KIAA0825: variants seen among roughly 807,000 people sequenced by gnomAD.
The protein encoded by KIAA0825 is KIAA0825.
A neutral mutation model predicts 147.6 loss-of-function variants in KIAA0825; 119 were observed. The ratio of observed to expected loss-of-function variants is 0.81; its 90% CI spans 0.69 to 0.94. The LOEUF (loss-of-function observed/expected upper bound fraction) is 0.94. KIAA0825 is among the 40% of genes least tolerant of loss of function. KIAA0825 has a pLI of 0.00. For synonymous variants in KIAA0825, 470 were observed against 518.1 expected (o/e 0.91, Z 1.26); for missense variants, 1,381 against 1,472.7 (o/e 0.94, Z 1.02).
chr5:94,404,260 T>C (rs1186257217), intron 15 of KIAA0825, among the ~76,000 whole-genome samples: 1 of 152,190 alleles, frequency 6.6e-6, no homozygotes, highest in Non-Finnish European at 1.5e-5. Flanking sequence ...TATTTCTGTC[T>C]ATACAATAAA....
intron 1 of KIAA0825, among the ~76,000 whole-genome samples, chr5:94,606,123 C>A (rs751451427): frequency 1.8e-4 from 28 of 152,228 alleles, no homozygotes; most frequent in Non-Finnish European, 3.1e-4. Flanking sequence ...AACAACCAAA[C>A]TGAGAGCCAA....
At chr5:94,593,135 T>A (rs1220476434) in intron 1 of KIAA0825, 5 of 746,588 alleles carry the variant, frequency 6.7e-6, no homozygotes, top group Non-Finnish European at 1.0e-5. Context: ...GTGTTATACA[T>A]CACACAACAG....
intron 10 of KIAA0825, among the ~76,000 whole-genome samples, chr5:94,465,555 G>A (rs1433992628): frequency 6.6e-6 from 1 of 152,100 alleles, no homozygotes; most frequent in African/African-American, 2.4e-5. Context: ...GCATTCTTAG[G>A]AACATTCTTG....
At chr5:94,367,946 T>C (rs1056724215) in intron 20 of KIAA0825, among the ~76,000 whole-genome samples, 1 of 152,172 alleles carries the variant, frequency 6.6e-6, no homozygotes, top group Non-Finnish European at 1.5e-5. Context: ...ATTAGGTAAA[T>C]TGTGCTACAT....
At chr5:94,479,485 T>C (rs1762256842) in intron 6 of KIAA0825, among the ~76,000 whole-genome samples, 1 of 152,182 alleles carries the variant, frequency 6.6e-6, no homozygotes, top group Non-Finnish European at 1.5e-5. Flanking sequence ...AAAATTTGTT[T>C]ATACATTCAC....
intron 13 of KIAA0825, among the ~76,000 whole-genome samples, chr5:94,452,319 T>C (rs1156569438): frequency 1.3e-5 from 2 of 152,184 alleles, no homozygotes; most frequent in East Asian, 1.9e-4. Flanking sequence ...AAATAGCTGA[T>C]AGTGTATTTC....
chr5:94,284,800 T>TG (rs941861609), intron 20 of KIAA0825, among the ~76,000 whole-genome samples: 4 of 152,168 alleles, frequency 2.6e-5, no homozygotes, highest in Non-Finnish European at 5.9e-5. Flanking sequence ...ATCCTTTGAT[T>TG]GCCCATTCAT....
intron 2 of KIAA0825, among the ~76,000 whole-genome samples, chr5:94,573,983 T>C (rs1191854550): frequency 6.6e-6 from 1 of 152,086 alleles, no homozygotes; most frequent in Non-Finnish European, 1.5e-5. Context: ...TCCTCATAAA[T>C]ATTACAAGGC....
chr5:94,430,580 T>C (rs1755535445), intron 14 of KIAA0825, among the ~76,000 whole-genome samples: 1 of 152,222 alleles, frequency 6.6e-6, no homozygotes, highest in Non-Finnish European at 1.5e-5. Flanking sequence ...TCCCGGGTCA[T>C]AAATGAAATA....
At chr5:94,475,453 G>C (rs1453553606) in intron 7 of KIAA0825, among the ~76,000 whole-genome samples, 2 of 152,034 alleles carry the variant, frequency 1.3e-5, no homozygotes, top group African/African-American at 4.8e-5. Flanking sequence ...ATAATATGTT[G>C]GCCTATCTGA....
intron 6 of KIAA0825, among the ~76,000 whole-genome samples, chr5:94,480,837 A>T (rs1412843257): frequency 1.3e-5 from 2 of 151,968 alleles, no homozygotes; most frequent in East Asian, 3.9e-4. Flanking sequence ...CTCTCCCCCA[A>T]ATTAAAATGG....
At chr5:94,488,894 G>A (rs1462629005) in intron 5 of KIAA0825, among the ~76,000 whole-genome samples, 6 of 152,144 alleles carry the variant, frequency 3.9e-5, no homozygotes, top group African/African-American at 1.4e-4. Flanking sequence ...TAAACTTAGT[G>A]TTTCTCAAAC....
chr5:94,593,715 G>T, intron 1 of KIAA0825: 1 of 374,200 alleles, frequency 2.7e-6, no homozygotes, highest in South Asian at 2.7e-5. Flanking sequence ...ACAAACATTT[G>T]GATAACTATA....
chr5:94,395,758 A>G (rs1750566532), intron 17 of KIAA0825, among the ~76,000 whole-genome samples: 1 of 152,230 alleles, frequency 6.6e-6, no homozygotes, highest in Admixed American at 6.5e-5. Context: ...CCATTTACAA[A>G]ATGCTCCAGG....
At chr5:94,348,725 A>G (rs986577364) in intron 20 of KIAA0825, among the ~76,000 whole-genome samples, 1 of 152,168 alleles carries the variant, frequency 6.6e-6, no homozygotes, top group African/African-American at 2.4e-5. Flanking sequence ...TTTTTCAGAG[A>G]ACAAATGCTG....
At chr5:94,612,230 G>T (rs1789033684) in intron 1 of KIAA0825, among the ~76,000 whole-genome samples, 1 of 152,160 alleles carries the variant, frequency 6.6e-6, no homozygotes, top group African/African-American at 2.4e-5. Context: ...GCAGGAGGGG[G>T]TGGCACAGGG....
At chr5:94,516,004 C>T (rs1297044077) in intron 5 of KIAA0825, among the ~76,000 whole-genome samples, 2 of 151,930 alleles carry the variant, frequency 1.3e-5, no homozygotes, top group Non-Finnish European at 2.9e-5. Context: ...ACAAAACATA[C>T]AAGCATTACA....
At chr5:94,528,928 C>A (rs960507884) in intron 3 of KIAA0825, among the ~76,000 whole-genome samples, 8 of 151,594 alleles carry the variant, frequency 5.3e-5, no homozygotes, top group African/African-American at 1.9e-4. Context: ...AGCATTTGCC[C>A]TGTGCCAACT....
At chr5:94,310,605 A>C (rs1191215323) in intron 20 of KIAA0825, among the ~76,000 whole-genome samples, 2 of 151,704 alleles carry the variant, frequency 1.3e-5, no homozygotes, top group African/African-American at 4.8e-5. Context: ...TACCACAATA[A>C]ATAATGTGAA....
Sources: allele counts gnomAD v4.1 joint callset (sites outside exome capture counted in the v4.1 genomes callset), GRCh38; gene constraint gnomAD v4.1.1; transcripts MANE v1.5; gene names NCBI Gene and HGNC (gene_info 2026-07-23, HGNC 2026-07-21).